Variants in AHRR observed in about 807,000 individuals in gnomAD.
AHRR encodes aryl hydrocarbon receptor repressor.
Under a neutral mutation model 44.0 loss-of-function variants are expected in AHRR, and 28 were observed. The ratio of observed to expected loss-of-function variants is 0.64; its 90% CI spans 0.47 to 0.87. The LOEUF is 0.87. Among genes scored for constraint, AHRR ranks in the 40% least tolerant of loss-of-function variants. The pLI is 0.00. For synonymous variants in AHRR, 434 were observed against 407.0 expected (o/e 1.07, Z -0.80); for missense variants, 990 against 953.9 (o/e 1.04, Z -0.50).
At chr5:349,570 A>G (rs1742791558) in intron 2 of AHRR, among the ~76,000 whole-genome samples, 1 of 142,624 alleles carries the variant, frequency 7.0e-6, no homozygotes, top group South Asian at 2.3e-4. Flanking sequence ...ACAGAGTGAG[A>G]CTCCGTCTCA....
intron 3 of AHRR, among the ~76,000 whole-genome samples, chr5:354,393 G>A (rs1308328277): frequency 6.6e-6 from 1 of 152,196 alleles, no homozygotes; most frequent in Non-Finnish European, 1.5e-5. Context: ...CTGGGGTGCC[G>A]GGCGCCTCCC....
chr5:429,076 G>A (rs1054803266), intron 8 of AHRR, among the ~76,000 whole-genome samples: 5 of 152,244 alleles, frequency 3.3e-5, no homozygotes, highest in Admixed American at 3.3e-4. Flanking sequence ...TGCCCTTGGG[G>A]ATTCGTGTCT....
chr5:330,564 G>C (rs1337757661), intron 1 of AHRR, among the ~76,000 whole-genome samples: 3 of 152,102 alleles, frequency 2.0e-5, no homozygotes, highest in African/African-American at 7.2e-5. Flanking sequence ...AGTAGAGACA[G>C]CATTTTGCCG....
intron 3 of AHRR, among the ~76,000 whole-genome samples, chr5:375,837 G>A (rs1429544302): frequency 1.3e-5 from 2 of 152,178 alleles, no homozygotes; most frequent in East Asian, 3.9e-4. Flanking sequence ...ACCTGTGCTG[G>A]GTCCGGAACT....
chr5:343,577 T>A, intron 1 of AHRR: 1 of 378,692 alleles, frequency 2.6e-6, no homozygotes, highest in Non-Finnish European at 4.7e-6. Context: ...GATGGCTTCC[T>A]CCTCAGGACG....
chr5:414,602 A>G (rs1416145321), intron 5 of AHRR, among the ~76,000 whole-genome samples: 2 of 152,256 alleles, frequency 1.3e-5, no homozygotes, highest in Non-Finnish European at 2.9e-5. Flanking sequence ...GCCAGCTGAC[A>G]GGTAAACAAA....
chr5:433,988 G>A lies in AHRR; in HGVS notation c.1248G>A (p.Leu416=). 1 of 1,571,244 alleles carries A rather than the reference G, an allele frequency of 6.4e-7. No individual in the cohort carries two copies. Among genetic ancestry groups the A allele is most frequent in the Non-Finnish European group, 8.6e-7 (1 of 1,159,012 alleles). ...GTGAGGATGGTGCCAGGCCGAGGCT[G>A]CAGCCCAGCAAGAATGACCCGCCCT... is the stretch of plus-strand genomic sequence containing the variant. ...KHSEDGARPR[L]QPSKNDPPSL... The change falls in exon 11 of 11, where the codon CTG becomes CTA. Residue 416 remains leucine, a synonymous_variant. Transcript: ENST00000684583.
intron 4 of AHRR, among the ~76,000 whole-genome samples, chr5:398,673 C>T (rs763702401): frequency 1.3e-5 from 2 of 152,220 alleles, no homozygotes; most frequent in Non-Finnish European, 2.9e-5. Context: ...TGCCCCACCC[C>T]CCTTGGCTGT....
intron 3 of AHRR, among the ~76,000 whole-genome samples, chr5:359,506 T>C (rs1743098187): frequency 6.6e-6 from 1 of 152,144 alleles, no homozygotes; most frequent in South Asian, 2.1e-4. Context: ...TGTTGCTGTG[T>C]AGAGAAGTGT....
At chr5:368,813 G>C (rs1743464880) in intron 3 of AHRR, among the ~76,000 whole-genome samples, 1 of 152,256 alleles carries the variant, frequency 6.6e-6, no homozygotes, top group South Asian at 2.1e-4. Flanking sequence ...AGCCACCCCA[G>C]TCTTCGCTGG....
chr5:426,648 T>C (rs1160911091), intron 7 of AHRR, among the ~76,000 whole-genome samples: 4 of 146,876 alleles, frequency 2.7e-5, no homozygotes, highest in Non-Finnish European at 1.5e-5. Flanking sequence ...GATGGATAGA[T>C]AGAAAGATGG....
intron 4 of AHRR, among the ~76,000 whole-genome samples, chr5:400,931 G>C (rs1218158166): frequency 6.6e-6 from 1 of 152,192 alleles, no homozygotes; most frequent in Non-Finnish European, 1.5e-5. Context: ...GGCAGGAGCC[G>C]GCGGGCACAG....
intron 8 of AHRR, among the ~76,000 whole-genome samples, chr5:430,832 C>T (rs1736689499): frequency 6.6e-6 from 1 of 152,166 alleles, no homozygotes; most frequent in Admixed American, 6.5e-5. Flanking sequence ...CTGAGGCCCA[C>T]ACATCTCTGG....
rs910530111 is a variant in AHRR, at chr5:376,461, G to A, written c.245-149G>A. On this transcript the variant is annotated intron_variant, in intron 3 of 10. Transcript: ENST00000684583. ...GACTCTCAGGGCTGTGGAATGCTGC[G>A]TGGCCTGCAGAGGGGTCAGTGCAGC... 12 of 13,564 alleles carry A rather than the reference G, an allele frequency of 8.8e-4. No homozygotes were observed. The Non-Finnish European group carries it at 0.01, about 11-fold the overall frequency. The allele number at this position is 13,564 out of a possible 1,614,324, so 0.8% of individuals were successfully genotyped here. A position where few individuals can be genotyped will look rare whatever the true frequency, so the allele number is the denominator to read the frequency against.
At chr5:380,105 T>C (rs1733921395) in intron 4 of AHRR, among the ~76,000 whole-genome samples, 1 of 152,240 alleles carries the variant, frequency 6.6e-6, no homozygotes, top group African/African-American at 2.4e-5. Context: ...TTATACTGAA[T>C]GGCGTTTATA....
chr5:429,353 C>A (rs1442464204), intron 8 of AHRR, among the ~76,000 whole-genome samples: 1 of 152,210 alleles, frequency 6.6e-6, no homozygotes, highest in African/African-American at 2.4e-5. Context: ...GGAGATCCAA[C>A]TTCCTCTCAG....
In AHRR at chr5:326,319, A is replaced by G. The variant is rs73023485; in HGVS notation, c.-11+4500A>G. Reference sequence around the variant, plus strand: ...TTATCTGAGTTTGCCTACTCAGGATATATCATGCAATGGGGTCAGTGTGTG... The same window carrying G: ...TTATCTGAGTTTGCCTACTCAGGATGTATCATGCAATGGGGTCAGTGTGTG... On this transcript the variant is annotated intron_variant, in intron 1 of 10. Coordinates refer to ENST00000684583, the MANE Select transcript of AHRR (RefSeq NM_001377236.1). This position sits in a 1 kb window ranked among gnomAD's most constrained non-coding sequence, Gnocchi z 4.1. 0.087 allele frequency among the ~76,000 whole-genome samples: 13,300 copies of G among 152,260 alleles called. 1,886 individuals are homozygous for G. The highest frequency in any genetic ancestry group is 0.3 in the African/African-American group (12,281 of 41,518).
At chr5:375,831 G>A (rs910766640) in intron 3 of AHRR, among the ~76,000 whole-genome samples, 6 of 152,222 alleles carry the variant, frequency 3.9e-5, no homozygotes, top group African/African-American at 1.4e-4. Context: ...GTGAGCACCT[G>A]TGCTGGGTCC....
intron 3 of AHRR, among the ~76,000 whole-genome samples, chr5:356,339 C>A (rs1450131660): frequency 6.6e-6 from 1 of 152,228 alleles, no homozygotes; most frequent in Admixed American, 6.5e-5. Flanking sequence ...GGGACCCTAA[C>A]ACTGACCAGG....
Sources: gnomAD v4.1 joint callset for allele counts (sites outside exome capture counted in the v4.1 genomes callset) on GRCh38, gnomAD v4.1.1 for gene constraint, Gnocchi (gnomAD v3.1) non-coding constraint, MANE v1.5 for transcripts, NCBI Gene and HGNC (gene_info 2026-07-23, HGNC 2026-07-21) for gene names.